The following CPLANE1 variants were observed in gnomAD, a reference collection of about 807,000 sequenced individuals.
The protein encoded by CPLANE1 is ciliogenesis and planar polarity effector complex subunit 1, also known as ciliogenesis and planar polarity effector 1.
In CPLANE1, 263 loss-of-function variants were observed where a neutral mutation model predicts 362.5. That is an observed-to-expected ratio of 0.73 (90% confidence interval 0.66 to 0.80). The LOEUF (loss-of-function observed/expected upper bound fraction) is 0.80, where lower values mean the gene tolerates loss of function less well. Ranked by LOEUF, CPLANE1 falls within the 30% of genes least tolerant of loss-of-function variation. The pLI is 0.00. For synonymous variants in CPLANE1, 1,212 were observed against 1,302.6 expected (o/e 0.93, Z 1.50); for missense variants, 3,461 against 3,793.4 (o/e 0.91, Z 2.30).
At chr5:37,128,685 C>T (rs1764923633) in intron 46 of CPLANE1, among the ~76,000 whole-genome samples, 2 of 151,900 alleles carry the variant, frequency 1.3e-5, no homozygotes, top group African/African-American at 2.4e-5. Flanking sequence ...ATGGCAAAAA[C>T]CCATCTCTAT....
chr5:37,225,902 T>C (rs1161004098), intron 12 of CPLANE1, among the ~76,000 whole-genome samples: 2 of 145,666 alleles, frequency 1.4e-5, no homozygotes, highest in Non-Finnish European at 3.0e-5. Flanking sequence ...AGTACTTAAC[T>C]AAACCAAAAT....
rs1479471020 is a variant in CPLANE1 at position 37,245,127 on chromosome 5, G to A, written c.337+352C>T. On this transcript the variant is annotated intron_variant, in intron 4 of 52. Transcript: ENST00000651892. ...CCACTGCACTCCAGCCTGGGCGACA[G>A]AGCGAGACTCCGTCTCAAAAAAAAG... 2.0e-5 allele frequency among the ~76,000 whole-genome samples: 3 copies of A among 150,592 alleles called. No individual in the cohort carries two copies. The South Asian group carries it at 6.2e-4, about 31-fold the overall frequency.
At chr5:37,240,240 T>C (rs1341410388) in intron 6 of CPLANE1, among the ~76,000 whole-genome samples, 1 of 151,976 alleles carries the variant, frequency 6.6e-6, no homozygotes, top group African/African-American at 2.4e-5. Context: ...ATCCAAGCTA[T>C]TCGGGAGGCT....
At chr5:37,149,157 T>C (rs1168682581) in intron 42 of CPLANE1, among the ~76,000 whole-genome samples, 4 of 152,156 alleles carry the variant, frequency 2.6e-5, no homozygotes, top group Non-Finnish European at 5.9e-5. Context: ...ATATCTTCCT[T>C]TTCCCTGGGA....
At chr5:37,090,559 TTA>T in the CPLANE1 span, among the ~76,000 whole-genome samples, 1 of 152,188 alleles carries the variant, frequency 6.6e-6, no homozygotes, top group Non-Finnish European at 1.5e-5. Flanking sequence ...ATAAACTCCT[TTA>T]TTTCTTATCT....
chr5:37,094,576 A>G, the CPLANE1 span, among the ~76,000 whole-genome samples: 1 of 152,226 alleles, frequency 6.6e-6, no homozygotes, highest in African/African-American at 2.4e-5. Context: ...GAAAGGAAAT[A>G]ACCAAGGTCA....
chr5:37,170,478 G>A, intron 32 of CPLANE1, 147 bp from the exon 33 acceptor site: 17 of 850,156 alleles, frequency 2.0e-5, no homozygotes, highest in South Asian at 9.0e-5. Flanking sequence ...GAGGCAGTCA[G>A]GGAAATTTTT....
chr5:37,192,873 A>C (rs1412424783), intron 21 of CPLANE1, among the ~76,000 whole-genome samples: 8 of 145,654 alleles, frequency 5.5e-5, no homozygotes, highest in Non-Finnish European at 1.2e-4. Flanking sequence ...AAAAAAAAAC[A>C]AATACCTCAT....
At chr5:37,212,274 T>G in intron 16 of CPLANE1, 1 of 1,283,526 alleles carries the variant, frequency 7.8e-7, no homozygotes, top group East Asian at 2.3e-5. Context: ...AGATAAGAGC[T>G]CAAAAAAGAT....
chr5:37,107,573 G>A lies in CPLANE1; in HGVS notation c.*29C>T, dbSNP rs367984745. On this transcript the variant is annotated 3_prime_UTR_variant, in exon 53 of 53. Coordinates refer to ENST00000651892, the MANE Select transcript of CPLANE1 (RefSeq NM_001384732.1). The stretch of plus-strand genomic sequence containing the variant: ...AACCACATTACTGAGGTGCTGGCCT[G>A]TGCATGGAAACCCAATGATATCCAG... 6.3e-7 allele frequency: 1 copy of A among 1,584,924 alleles called. No homozygotes were observed. Among genetic ancestry groups the A allele is most frequent in the African/African-American group, 1.3e-5 (1 of 74,394 alleles).
At chr5:37,140,384 T>C in intron 44 of CPLANE1, 1 of 983,668 alleles carries the variant, frequency 1.0e-6, no homozygotes, top group Non-Finnish European at 1.2e-6. Context: ...AAATCAAGGA[T>C]TTTATTTTCG....
intron 12 of CPLANE1, 24 bp downstream of exon 12, chr5:37,226,280 C>T (rs1445315790): frequency 7.1e-7 from 1 of 1,412,714 alleles, no homozygotes; most frequent in African/African-American, 1.5e-5. Context: ...AATAGTATCC[C>T]AGTATTAAAA....
At position 37,201,656 on chromosome 5, in the gene CPLANE1, C is replaced by G; in HGVS notation, c.3442G>C (p.Val1148Leu). Residue 1148 changes from valine to leucine, a missense_variant, in exon 19 of 53, where the codon GTG (valine) becomes CTG (leucine). Around this residue, in one of 2 missense-constraint regions of CPLANE1, gnomAD observed 3,380 missense variants for 3,666.1 expected, o/e 0.92. Transcript: ENST00000651892. ...KDFSKRLWGL[V>L]PFGLYLPAPP... ...GCTGGAAGATACAAGCCGAATGGCA[C>G]TAAGCCCCACAGTCTTTTACTGAAG... 6.2e-7 allele frequency: 1 copy of G among 1,614,204 alleles called. No homozygotes were observed. Among genetic ancestry groups the G allele is most frequent in the Non-Finnish European group, 8.5e-7 (1 of 1,180,024 alleles).
rs1232111191 is a variant in CPLANE1, at chr5:37,157,688, G to A, written c.7993C>T (p.His2665Tyr). The A allele has an allele frequency of 6.2e-7, 1 of 1,613,090 alleles. No homozygotes were observed. The highest frequency in any genetic ancestry group is 1.1e-5 in the South Asian group (1 of 90,716). ...AASVTNAVPP[H>Y]NFKSQEVTPA... ...AAATTACCTTGACTCTTAAAATTAT[G>A]TGGGGGAACAGCATTAGTAACTGAA... The change falls in exon 40 of 53, where the codon CAT (histidine) becomes TAT (tyrosine). Residue 2665 changes from histidine to tyrosine, a missense_variant. This residue lies in a region of CPLANE1 where 3,380 missense variants were observed against 3,666.1 expected (regional missense o/e 0.92). Coordinates refer to ENST00000651892, the MANE Select transcript of CPLANE1 (RefSeq NM_001384732.1).
At position 37,170,228 on chromosome 5, in the gene CPLANE1, A is replaced by G. The variant is rs558551880; in HGVS notation, c.6275T>C (p.Leu2092Ser). ...TAGGTTTGATTCTTGGCTTTCCCCT[A>G]AATGCACAGACTGAGACTGCTGTAC... Reference protein sequence around the residue: ...QLVQQSQSVHLGESQESNLRG... With the variant: ...QLVQQSQSVHSGESQESNLRG... Residue 2092 changes from leucine (L) to serine (S), a missense_variant, in exon 33 of 53, where the codon TTA becomes TCA. By Grantham distance (145) the Leu-to-Ser change is moderately radical (BLOSUM62 -2). Transcript: ENST00000651892. 3.3e-5 allele frequency: 54 copies of G among 1,614,160 alleles called. No homozygotes were observed. In the South Asian group the frequency reaches 5.8e-4, roughly 17 times the overall value.
intron 16 of CPLANE1, chr5:37,211,531 C>A: frequency 7.8e-7 from 1 of 1,285,928 alleles, no homozygotes; most frequent in South Asian, 1.2e-5. Flanking sequence ...GGCAGTGCAG[C>A]CTCAAGGCTA....
rs1227556127 is a variant in CPLANE1 at position 37,121,743 on chromosome 5, G to A, written c.9059C>T (p.Ala3020Val). 7.4e-6 allele frequency: 12 copies of A among 1,613,832 alleles called. No individual in the cohort carries two copies. Among genetic ancestry groups the A allele is most frequent in the South Asian group, 4.4e-5 (4 of 91,086 alleles). ...TAACAGTTCATTCATCAGACCGTAC[G>A]CTTGTGAGATTCGACGACTATAGTG... ...SEHYSRRISQ[A>V]YGLMNELLSE... is the part of the protein sequence containing the mutation. The change falls in exon 49 of 53, where the codon GCG becomes GTG. Residue 3020 changes from alanine to valine, a missense_variant. Around this residue, in one of 2 missense-constraint regions of CPLANE1, gnomAD observed 3,380 missense variants for 3,666.1 expected, o/e 0.92. Transcript: ENST00000651892.
the CPLANE1 span, among the ~76,000 whole-genome samples, chr5:37,094,743 C>G: frequency 5.9e-5 from 9 of 151,908 alleles, no homozygotes; most frequent in Non-Finnish European, 1.3e-4. Flanking sequence ...AGAAATGAAA[C>G]AGGAGATATT....
At chr5:37,212,433 A>G in intron 16 of CPLANE1, 3 of 738,824 alleles carry the variant, frequency 4.1e-6, no homozygotes, top group Non-Finnish European at 7.6e-6. Context: ...ATTACATAAC[A>G]TTTACTCCTT....
Sources: allele counts gnomAD v4.1 joint callset (sites outside exome capture counted in the v4.1 genomes callset), GRCh38; gene constraint gnomAD v4.1.1; regional missense constraint gnomAD v4.1.1; transcripts MANE v1.5; gene names NCBI Gene and HGNC (gene_info 2026-07-23, HGNC 2026-07-21).